TRERF1: variants seen among roughly 807,000 people sequenced by gnomAD.
TRERF1 encodes transcriptional regulating factor 1.
In TRERF1, 27 loss-of-function variants were observed where a neutral mutation model predicts 122.9. That is an observed-to-expected ratio of 0.22 (90% CI 0.16 to 0.30). The LOEUF (loss-of-function observed/expected upper bound fraction) is 0.30. Ranked by LOEUF, TRERF1 falls within the 10% of genes least tolerant of loss-of-function variation. The pLI, the probability that TRERF1 is intolerant of heterozygous loss-of-function variation, is 1.00. For synonymous variants in TRERF1, 636 were observed against 641.7 expected (o/e 0.99, Z 0.13); for missense variants, 1,248 against 1,560.3 (o/e 0.80, Z 3.37).
At chr6:42,242,773 G>A (rs1773995818) in intron 15 of TRERF1, among the ~76,000 whole-genome samples, 1 of 152,174 alleles carries the variant, frequency 6.6e-6, no homozygotes, top group Non-Finnish European at 1.5e-5. Context: ...ATGATGGAGG[G>A]TTCCTGGCAC....
chr6:42,396,547 T>C (rs1427415747), intron 2 of TRERF1, among the ~76,000 whole-genome samples: 2 of 152,242 alleles, frequency 1.3e-5, no homozygotes, highest in Non-Finnish European at 2.9e-5. Flanking sequence ...TAAAATACTT[T>C]TATTGTAACA....
At position 42,228,192 on chromosome 6, in the gene TRERF1, G is replaced by T; in HGVS notation, c.*153C>A. 1.5e-6 allele frequency: 1 copy of T among 678,132 alleles called. No individual in the cohort carries two copies. 42.0% of individuals were successfully genotyped at this position (678,132 alleles called of 1,614,324 possible). The stretch of plus-strand genomic sequence containing the variant: ...CAAATTTTTTTAAATAAAAGGAAAA[G>T]AAATAGGATTTTTTTTTCTAAACCT... On this transcript the variant is annotated 3_prime_UTR_variant, in exon 18 of 18. Coordinates refer to ENST00000372922, the Ensembl canonical transcript of TRERF1. This position sits in a 1 kb window ranked among gnomAD's most constrained non-coding sequence, Gnocchi z 4.2.
At chr6:42,309,338 T>C (rs764244591) in intron 3 of TRERF1, among the ~76,000 whole-genome samples, 11 of 152,230 alleles carry the variant, frequency 7.2e-5, no homozygotes, top group Non-Finnish European at 1.5e-4. Flanking sequence ...GATAAGGAGA[T>C]GGAGGCTCAG....
chr6:42,268,099 A>T lies in TRERF1; in HGVS notation c.1437+55T>A. ...AGAGAGGATTGAGCACTGCAGACTCAGCCCTGACCCTGTAGCACACTGGGT... is the reference window on the plus strand; with the variant it reads ...AGAGAGGATTGAGCACTGCAGACTCTGCCCTGACCCTGTAGCACACTGGGT... On this transcript the variant is annotated intron_variant, in intron 5 of 17. Coordinates refer to ENST00000372922, the Ensembl canonical transcript of TRERF1. This position sits in a 1 kb window ranked among gnomAD's most constrained non-coding sequence, Gnocchi z 4.4. 7.2e-7 allele frequency: 1 copy of T among 1,393,386 alleles called. No individual in the cohort carries two copies. Among genetic ancestry groups the T allele is most frequent in the Non-Finnish European group, 9.4e-7 (1 of 1,069,354 alleles). The allele number at this position is 1,393,386 out of a possible 1,614,324, so 86.3% of individuals were successfully genotyped here.
At chr6:42,233,036 G>A in intron 16 of TRERF1, 108 bp from the exon 17 acceptor site, 1 of 1,212,650 alleles carries the variant, frequency 8.2e-7, no homozygotes, top group Non-Finnish European at 1.1e-6. Context: ...TTGGGCATAT[G>A]CTACAAAAGG....
intron 3 of TRERF1, among the ~76,000 whole-genome samples, chr6:42,326,175 G>C (rs1200810509): frequency 6.6e-6 from 1 of 151,564 alleles, no homozygotes; most frequent in Non-Finnish European, 1.5e-5. Context: ...AGGAAAAATT[G>C]AAATAAAAAA....
At chr6:42,332,235 G>A (rs1432571848) in intron 3 of TRERF1, among the ~76,000 whole-genome samples, 16 of 152,236 alleles carry the variant, frequency 1.1e-4, no homozygotes, top group Admixed American at 9.2e-4. Flanking sequence ...GTGCCACCGC[G>A]CCCAGCGGGG....
chr6:42,280,083 C>T (rs1329986133), intron 4 of TRERF1, among the ~76,000 whole-genome samples: 2 of 152,162 alleles, frequency 1.3e-5, no homozygotes, highest in East Asian at 3.9e-4. Context: ...GTTATGACGT[C>T]GGTGCCACGG....
chr6:42,376,375 G>A (rs1054020679), intron 2 of TRERF1, among the ~76,000 whole-genome samples: 9 of 152,134 alleles, frequency 5.9e-5, no homozygotes, highest in Non-Finnish European at 1.2e-4. Context: ...CTTTGCGTGA[G>A]GGATGTCTGA....
intron 4 of TRERF1, among the ~76,000 whole-genome samples, chr6:42,296,562 G>T (rs1785145255): frequency 1.3e-5 from 2 of 152,138 alleles, no homozygotes. Flanking sequence ...AGCTCAGAGA[G>T]ATTCAGCTGT....
intron 3 of TRERF1, among the ~76,000 whole-genome samples, chr6:42,325,725 A>T (rs1457557518): frequency 6.6e-6 from 1 of 152,182 alleles, no homozygotes; most frequent in Non-Finnish European, 1.5e-5. Flanking sequence ...AAATACAAAT[A>T]TTAGCTGGGT....
chr6:42,389,664 C>T (rs527608971), intron 2 of TRERF1, among the ~76,000 whole-genome samples: 101 of 152,320 alleles, frequency 6.6e-4, no homozygotes, highest in Admixed American at 1.0e-3. Context: ...GCCTTCCCTC[C>T]CAACTTCAAA....
chr6:42,434,679 C>CAG (rs1785010532), intron 2 of TRERF1, among the ~76,000 whole-genome samples: 2 of 149,656 alleles, frequency 1.3e-5, no homozygotes, highest in Non-Finnish European at 3.0e-5. Context: ...CACACACACA[C>CAG]ACACACACAC....
chr6:42,255,619 G>A (rs1257414989), intron 12 of TRERF1, among the ~76,000 whole-genome samples: 1 of 152,202 alleles, frequency 6.6e-6, no homozygotes, highest in African/African-American at 2.4e-5. Context: ...CAGGTGATGT[G>A]CACGCACATT....
chr6:42,283,257 G>A (rs552461009), intron 4 of TRERF1, among the ~76,000 whole-genome samples: 3 of 152,188 alleles, frequency 2.0e-5, no homozygotes, highest in South Asian at 2.1e-4. Context: ...TGCATCGGGC[G>A]ACTCAAAATT....
chr6:42,256,865 G>A, intron 11 of TRERF1, 34 bp from the exon 12 acceptor site: 1 of 1,613,286 alleles, frequency 6.2e-7, no homozygotes, highest in Admixed American at 1.7e-5. Context: ...ATGCATCAGA[G>A]AGAGCTGAGT....
At chr6:42,437,971 G>A (rs939874688) in intron 2 of TRERF1, among the ~76,000 whole-genome samples, 16 of 151,514 alleles carry the variant, frequency 1.1e-4, no homozygotes, top group African/African-American at 2.4e-4. Context: ...TCCCAGGTTC[G>A]AGTGCAATGG....
intron 2 of TRERF1, among the ~76,000 whole-genome samples, chr6:42,397,158 G>T (rs910138962): frequency 1.3e-5 from 2 of 152,196 alleles, no homozygotes; most frequent in Non-Finnish European, 2.9e-5. Flanking sequence ...TAACAGAGAA[G>T]GGGGAGAAAG....
intron 3 of TRERF1, among the ~76,000 whole-genome samples, chr6:42,330,944 G>T (rs749845694): frequency 6.6e-6 from 1 of 152,192 alleles, no homozygotes; most frequent in Non-Finnish European, 1.5e-5. Flanking sequence ...CTCCCAAAGT[G>T]CTGGGATTAC....
Sources: gnomAD v4.1 joint callset for allele counts (sites outside exome capture counted in the v4.1 genomes callset) on GRCh38, gnomAD v4.1.1 for gene constraint, Gnocchi (gnomAD v3.1) non-coding constraint, MANE v1.5 for transcripts, NCBI Gene and HGNC (gene_info 2026-07-23, HGNC 2026-07-21) for gene names.